The following PLXDC2 variants were observed in gnomAD, a reference collection of about 807,000 sequenced individuals.
PLXDC2 encodes the protein plexin domain containing 2.
A neutral mutation model predicts 68.9 loss-of-function variants in PLXDC2; 40 were observed. The ratio of observed to expected loss-of-function variants is 0.58; its 90% CI spans 0.45 to 0.76. The LOEUF (loss-of-function observed/expected upper bound fraction) is 0.76. PLXDC2 is among the 30% of genes least tolerant of loss of function. The pLI is 0.00. For missense variants in PLXDC2, 644 were observed against 661.9 expected (o/e 0.97, Z 0.30); for synonymous variants, 243 against 234.2 (o/e 1.04, Z -0.34).
chr10:20,208,379 T>A (rs1015955494), intron 9 of PLXDC2, among the ~76,000 whole-genome samples: 1 of 152,120 alleles, frequency 6.6e-6, no homozygotes, highest in Non-Finnish European at 1.5e-5. Context: ...CATCAGATCT[T>A]GTGAGACTTA....
chr10:19,889,487 T>G (rs535654660), intron 1 of PLXDC2, among the ~76,000 whole-genome samples: 1 of 152,272 alleles, frequency 6.6e-6, no homozygotes, highest in African/African-American at 2.4e-5. Context: ...GCCCTCAAAA[T>G]GTATCCCTGT....
intron 1 of PLXDC2, among the ~76,000 whole-genome samples, chr10:19,943,240 GA>G (rs1164845723): frequency 1.5e-4 from 21 of 138,380 alleles, no homozygotes; most frequent in Non-Finnish European, 2.6e-4. Flanking sequence ...TGATTTGATA[GA>G]ACTTTTTTTT....
chr10:19,945,732 A>G (rs563735932), intron 1 of PLXDC2, among the ~76,000 whole-genome samples: 2 of 152,238 alleles, frequency 1.3e-5, no homozygotes, highest in African/African-American at 4.8e-5. Flanking sequence ...AGTCAGTTCA[A>G]TTGCCTCTGG....
chr10:19,979,006 T>C (rs1834503960), intron 1 of PLXDC2, among the ~76,000 whole-genome samples: 1 of 152,196 alleles, frequency 6.6e-6, no homozygotes, highest in Non-Finnish European at 1.5e-5. Context: ...AGTGTGTATG[T>C]TGTGGAGCAG....
At chr10:20,114,582 G>C (rs558079561) in intron 4 of PLXDC2, among the ~76,000 whole-genome samples, 43 of 152,324 alleles carry the variant, frequency 2.8e-4, no homozygotes, top group Admixed American at 2.2e-3. Flanking sequence ...ATGAGCACAG[G>C]TGTGGACCAC....
Position 20,275,748 on chromosome 10 carries a change from A to G in PLXDC2, c.1474-3955A>G, listed in dbSNP as rs574382397. On this transcript the variant is annotated intron_variant, in intron 13 of 13. Coordinates refer to ENST00000377252, the MANE Select transcript of PLXDC2 (RefSeq NM_032812.9). The stretch of plus-strand genomic sequence containing the variant: ...GCCAACATGGCAAAACCCTGTTTCC[A>G]CTAAAAATACAAAAATTAGCTGGGC... Among the ~76,000 whole-genome samples the G allele has an allele frequency of 4.8e-4, 73 of 152,218 alleles. No individual in the cohort carries two copies. In the South Asian group the frequency reaches 7.1e-3, roughly 15 times the overall value.
chr10:20,196,973 C>T (rs893390802), intron 9 of PLXDC2, among the ~76,000 whole-genome samples: 2 of 143,600 alleles, frequency 1.4e-5, no homozygotes, highest in Admixed American at 1.4e-4. Context: ...AAAAGAAAGT[C>T]AGATGTGGCA....
At chr10:20,216,571 A>G (rs1835140983) in intron 10 of PLXDC2, among the ~76,000 whole-genome samples, 2 of 152,196 alleles carry the variant, frequency 1.3e-5, no homozygotes, top group Admixed American at 6.5e-5. Flanking sequence ...AAGTTTAAGA[A>G]TGATATTTAT....
chr10:20,216,016 G>T (rs1835131619), intron 10 of PLXDC2, among the ~76,000 whole-genome samples: 1 of 151,964 alleles, frequency 6.6e-6, no homozygotes. Context: ...CCCATGGCGG[G>T]TCTGTGTGAT....
At chr10:19,832,235 G>A (rs1052568451) in intron 1 of PLXDC2, among the ~76,000 whole-genome samples, 3 of 152,116 alleles carry the variant, frequency 2.0e-5, no homozygotes, top group Non-Finnish European at 4.4e-5. Flanking sequence ...CATGTAGTAG[G>A]CTCTTAATTT....
chr10:20,174,620 A>G (rs916107534), intron 7 of PLXDC2, among the ~76,000 whole-genome samples: 5 of 152,056 alleles, frequency 3.3e-5, no homozygotes, highest in Non-Finnish European at 5.9e-5. Flanking sequence ...AGGAAGGGGA[A>G]CATCACACAA....
intron 13 of PLXDC2, among the ~76,000 whole-genome samples, chr10:20,267,215 A>G (rs2119374625): frequency 6.6e-6 from 1 of 152,304 alleles, no homozygotes. Context: ...ATAAATAAAT[A>G]TTCGCCTTTT....
intron 5 of PLXDC2, among the ~76,000 whole-genome samples, chr10:20,146,000 G>T (rs7478383): frequency 7.2e-5 from 11 of 152,110 alleles, no homozygotes; most frequent in Non-Finnish European, 1.6e-4. Context: ...ATGCAGGAAT[G>T]TCTTGAAGGC....
intron 2 of PLXDC2, among the ~76,000 whole-genome samples, chr10:20,044,298 T>TTCTTTCTTTCTTTCTTTC (rs1835758419): frequency 7.4e-6 from 1 of 135,576 alleles, no homozygotes; most frequent in African/African-American, 2.8e-5. Context: ...TCTTTCTTCT[T>TTCTTTCTTTCTTTCTTTC]TCTCTCTCTC....
At chr10:19,999,894 C>G (rs1266624339) in intron 1 of PLXDC2, among the ~76,000 whole-genome samples, 1 of 152,146 alleles carries the variant, frequency 6.6e-6, no homozygotes, top group African/African-American at 2.4e-5. Context: ...TTTTCATTCC[C>G]ATTTAAAATA....
At chr10:19,979,687 A>G (rs1277126596) in intron 1 of PLXDC2, among the ~76,000 whole-genome samples, 1 of 152,114 alleles carries the variant, frequency 6.6e-6, no homozygotes, top group African/African-American at 2.4e-5. Context: ...AACTTTTTCA[A>G]ATTATCACCT....
At chr10:20,067,348 A>G (rs546926979) in intron 3 of PLXDC2, among the ~76,000 whole-genome samples, 7 of 152,262 alleles carry the variant, frequency 4.6e-5, no homozygotes, top group Non-Finnish European at 1.0e-4. Flanking sequence ...GAGTGGACAC[A>G]ATATGCTAAA....
chr10:20,152,505 A>G (rs1179630757), intron 6 of PLXDC2, among the ~76,000 whole-genome samples: 1 of 152,136 alleles, frequency 6.6e-6, no homozygotes, highest in Non-Finnish European at 1.5e-5. Flanking sequence ...TCAAAGATAG[A>G]GTTTGCTTAG....
At chr10:20,066,625 T>C (rs1836217012) in intron 3 of PLXDC2, among the ~76,000 whole-genome samples, 1 of 152,220 alleles carries the variant, frequency 6.6e-6, no homozygotes, top group Non-Finnish European at 1.5e-5. Flanking sequence ...TTGTTCCTGT[T>C]AGTCAGCACA....
Sources: allele counts gnomAD v4.1 joint callset (sites outside exome capture counted in the v4.1 genomes callset), GRCh38; gene constraint gnomAD v4.1.1; transcripts MANE v1.5; gene names NCBI Gene and HGNC (gene_info 2026-07-23, HGNC 2026-07-21).